The following CPAP variants were observed in gnomAD, a reference collection of about 807,000 sequenced individuals.
CPAP encodes centrosomal P4.1-associated protein.
At chr13:24,912,448 A>C in the CPAP span, 6 of 765,516 alleles carry the variant, frequency 7.8e-6, no homozygotes, top group Non-Finnish European at 1.3e-5. Flanking sequence ...CACATTAGAC[A>C]AAGGGCAAAA....
chr13:24,906,669 G>C, the CPAP span: 4 of 1,614,158 alleles, frequency 2.5e-6, no homozygotes, highest in Middle Eastern at 3.3e-4. Flanking sequence ...AGCATTTTCG[G>C]CTTCTGACTG....
chr13:24,905,690 G>C, the CPAP span: 1 of 1,614,046 alleles, frequency 6.2e-7, no homozygotes, highest in Non-Finnish European at 8.5e-7. Context: ...TAGGGATGAG[G>C]ATCTCGAGGG....
the CPAP span, among the ~76,000 whole-genome samples, chr13:24,903,168 C>G: frequency 6.6e-6 from 1 of 152,166 alleles, no homozygotes; most frequent in Non-Finnish European, 1.5e-5. Context: ...CAGGTAAGAT[C>G]ATGACCTAGG....
the CPAP span, among the ~76,000 whole-genome samples, chr13:24,900,220 G>A: frequency 0.02 from 3,016 of 152,286 alleles, 106 homozygotes; most frequent in African/African-American, 0.069. Flanking sequence ...CAGGCAGAAG[G>A]AGCAGCAAGT....
the CPAP span, chr13:24,906,768 T>C: frequency 6.2e-6 from 10 of 1,614,194 alleles, 1 homozygote; most frequent in Admixed American, 1.5e-4. Flanking sequence ...TTAAGAGCGG[T>C]TTTCCGCTGG....
chr13:24,886,620 G>A, the CPAP span, among the ~76,000 whole-genome samples: 1 of 152,192 alleles, frequency 6.6e-6, no homozygotes, highest in Non-Finnish European at 1.5e-5. Context: ...ACAAGGCTCT[G>A]GGGATAGCAG....
At chr13:24,899,489 C>G in the CPAP span, 1 of 1,613,618 alleles carries the variant, frequency 6.2e-7, no homozygotes. Flanking sequence ...AAAAACTTTA[C>G]GTTCCTTTTG....
chr13:24,885,572 T>C, the CPAP span: 2 of 1,476,454 alleles, frequency 1.4e-6, no homozygotes, highest in Non-Finnish European at 1.9e-6. Flanking sequence ...CTAAGTAATG[T>C]ATGTTTGAAG....
chr13:24,884,429 A>G, the CPAP span: 10 of 1,614,142 alleles, frequency 6.2e-6, no homozygotes, highest in East Asian at 2.2e-5. Context: ...GGGAAACAGT[A>G]TAACACGGCA....
the CPAP span, among the ~76,000 whole-genome samples, chr13:24,905,082 C>T: frequency 1.3e-5 from 2 of 152,030 alleles, no homozygotes; most frequent in Non-Finnish European, 2.9e-5. Context: ...AATACTGGTA[C>T]CTCTAGGAAG....
chr13:24,921,481 A>G, the CPAP span, among the ~76,000 whole-genome samples: 1 of 152,200 alleles, frequency 6.6e-6, no homozygotes, highest in African/African-American at 2.4e-5. Context: ...ACAACTGGGA[A>G]GGTTAATACA....
the CPAP span, chr13:24,885,315 G>A: frequency 1.2e-6 from 2 of 1,613,542 alleles, no homozygotes. Flanking sequence ...GTATGTCTTG[G>A]TCTTCCTCCT....
chr13:24,895,184 C>T, the CPAP span, among the ~76,000 whole-genome samples: 1 of 152,246 alleles, frequency 6.6e-6, no homozygotes, highest in African/African-American at 2.4e-5. Flanking sequence ...AAGGCGCAGC[C>T]GGCTCTGTCA....
At chr13:24,912,695 A>AT in the CPAP span, 1 of 1,614,096 alleles carries the variant, frequency 6.2e-7, no homozygotes, top group Non-Finnish European at 8.5e-7. Flanking sequence ...GCACTGTGAC[A>AT]TGCCGCTACC....
At chr13:24,921,372 A>G in the CPAP span, among the ~76,000 whole-genome samples, 1 of 152,130 alleles carries the variant, frequency 6.6e-6, no homozygotes, top group African/African-American at 2.4e-5. Context: ...TTCTTTGGAC[A>G]TACTGAAGAC....
chr13:24,905,734 A>C, the CPAP span: 1 of 1,614,210 alleles, frequency 6.2e-7, no homozygotes, highest in Non-Finnish European at 8.5e-7. Flanking sequence ...TTTCCATGAT[A>C]GACTCATCGC....
At chr13:24,885,600 A>G in the CPAP span, 1 of 1,596,628 alleles carries the variant, frequency 6.3e-7, no homozygotes, top group Non-Finnish European at 8.6e-7. Flanking sequence ...AAAAACAGAG[A>G]TTTACTTGTC....
chr13:24,902,043 C>T, the CPAP span, among the ~76,000 whole-genome samples: 33,639 of 151,822 alleles, frequency 0.22, 4,274 homozygotes, highest in East Asian at 0.4. Context: ...ACAGTAGAGC[C>T]CAGGGCTCTA....
chr13:24,920,136 G>C, the CPAP span, among the ~76,000 whole-genome samples: 1 of 152,138 alleles, frequency 6.6e-6, no homozygotes, highest in South Asian at 2.1e-4. Context: ...GAATTTAATG[G>C]GATTTTACAA....
Sources: gnomAD v4.1 joint callset for allele counts (sites outside exome capture counted in the v4.1 genomes callset) on GRCh38, gnomAD v4.1.1 for gene constraint, MANE v1.5 for transcripts, NCBI Gene and HGNC (gene_info 2026-07-23, HGNC 2026-07-21) for gene names.